GRID1: variants seen among roughly 807,000 people sequenced by gnomAD.
GRID1 encodes glutamate receptor ionotropic, delta-1.
A neutral mutation model predicts 98.0 loss-of-function variants in GRID1; 28 were observed. The ratio of observed to expected loss-of-function variants is 0.29; its 90% CI spans 0.21 to 0.39. The LOEUF is 0.39. GRID1 is among the 10% of genes least tolerant of loss of function. GRID1 has a pLI of 1.00. For missense variants in GRID1, 1,111 were observed against 1,340.5 expected (o/e 0.83, Z 2.67); for synonymous variants, 553 against 538.5 (o/e 1.03, Z -0.37).
At chr10:85,616,801 C>T (rs1590160817) in intron 14 of GRID1, among the ~76,000 whole-genome samples, 1 of 152,290 alleles carries the variant, frequency 6.6e-6, no homozygotes, top group East Asian at 1.9e-4. Context: ...CTTCCTGAAG[C>T]CAGTTGTTCT....
intron 2 of GRID1, among the ~76,000 whole-genome samples, chr10:86,246,892 C>T (rs1460253952): frequency 1.3e-5 from 2 of 152,266 alleles, no homozygotes; most frequent in African/African-American, 4.8e-5. Context: ...CTGATTTGTT[C>T]AGAGCCCTTG....
chr10:86,149,018 G>A (rs977311144), intron 3 of GRID1, among the ~76,000 whole-genome samples: 1 of 152,166 alleles, frequency 6.6e-6, no homozygotes, highest in Non-Finnish European at 1.5e-5. Context: ...GATGTTCAGC[G>A]GCTGTCAGCT....
intron 5 of GRID1, among the ~76,000 whole-genome samples, chr10:85,871,420 G>C (rs1016470136): frequency 6.6e-6 from 1 of 152,184 alleles, no homozygotes; most frequent in Non-Finnish European, 1.5e-5. Context: ...GGATAAGTCA[G>C]CCTGTATAAG....
chr10:85,760,620 A>G, intron 8 of GRID1, among the ~76,000 whole-genome samples: 1 of 152,072 alleles, frequency 6.6e-6, no homozygotes, highest in Non-Finnish European at 1.5e-5. Context: ...GAGACTGGTC[A>G]CACACACACA....
At chr10:86,011,297 T>C (rs762844516) in intron 4 of GRID1, among the ~76,000 whole-genome samples, 1 of 152,190 alleles carries the variant, frequency 6.6e-6, no homozygotes, top group Non-Finnish European at 1.5e-5. Context: ...TTCTACTAGA[T>C]TGGGAACTCC....
intron 8 of GRID1, among the ~76,000 whole-genome samples, chr10:85,794,874 T>C (rs1842512403): frequency 6.6e-6 from 1 of 152,184 alleles, no homozygotes; most frequent in African/African-American, 2.4e-5. Flanking sequence ...AGTGATTGCT[T>C]TTCCTGCCTG....
intron 3 of GRID1, among the ~76,000 whole-genome samples, chr10:86,155,623 C>T (rs1192660334): frequency 6.6e-6 from 1 of 152,198 alleles, no homozygotes; most frequent in Non-Finnish European, 1.5e-5. Context: ...AGCACAGGTT[C>T]CTGGGGCAAT....
intron 4 of GRID1, among the ~76,000 whole-genome samples, chr10:86,054,276 A>G (rs891073450): frequency 1.3e-5 from 2 of 152,134 alleles, no homozygotes; most frequent in African/African-American, 4.8e-5. Context: ...GGTGGGTAGC[A>G]CCCAGCAGGC....
intron 4 of GRID1, among the ~76,000 whole-genome samples, chr10:85,967,302 C>T (rs1022173536): frequency 6.6e-6 from 1 of 151,862 alleles, no homozygotes; most frequent in African/African-American, 2.4e-5. Flanking sequence ...ATCAAAGTTA[C>T]TAAACAAGTA....
rs544365202 is a variant in GRID1, at chr10:85,778,060, G to A, written c.1234-48446C>T. On this transcript the variant is annotated intron_variant, in intron 8 of 15. Transcript: ENST00000327946. ...GATCTGTTGGAAGACACTATGTTCT[G>A]TTGTGGAATTCAAGAGATAAATAAA... Among the ~76,000 whole-genome samples, 4 of 152,280 alleles carry A rather than the reference G, an allele frequency of 2.6e-5. No individual in the cohort carries two copies. The South Asian group carries it at 8.3e-4, about 32-fold the overall frequency.
chr10:86,059,109 A>C (rs372072631), intron 4 of GRID1, among the ~76,000 whole-genome samples: 2 of 152,182 alleles, frequency 1.3e-5, no homozygotes, highest in East Asian at 3.9e-4. Context: ...AAAGCCCTTG[A>C]ATAAGTCATG....
At chr10:86,244,260 G>A (rs1167316374) in intron 2 of GRID1, among the ~76,000 whole-genome samples, 1 of 152,172 alleles carries the variant, frequency 6.6e-6, no homozygotes, top group African/African-American at 2.4e-5. Context: ...TGGGACAGTG[G>A]CACAGAGGAG....
Position 86,192,064 on chromosome 10 carries a change from T to G in GRID1, c.520+14300A>C, listed in dbSNP as rs7895885. 0.061 allele frequency among the ~76,000 whole-genome samples: 9,316 copies of G among 151,910 alleles called. 563 individuals are homozygous for G. Among genetic ancestry groups the G allele is most frequent in the African/African-American group, 0.15 (6,191 of 41,408 alleles). ...TCAGGGGTCTAAGCAGGGCAGTGAGTTAAGGAAGGTGACTTTGGTGGCAGA... is the reference window on the plus strand; with the variant it reads ...TCAGGGGTCTAAGCAGGGCAGTGAGGTAAGGAAGGTGACTTTGGTGGCAGA... On this transcript the variant is annotated intron_variant, in intron 3 of 15. Coordinates refer to ENST00000327946, the MANE Select transcript of GRID1 (RefSeq NM_017551.3). This position sits in a 1 kb window ranked among gnomAD's most constrained non-coding sequence, Gnocchi z 4.8.
intron 2 of GRID1, among the ~76,000 whole-genome samples, chr10:86,256,433 C>T (rs1029716389): frequency 6.6e-6 from 1 of 152,144 alleles, no homozygotes; most frequent in African/African-American, 2.4e-5. Flanking sequence ...CCACTGCACT[C>T]CACCCTGGGT....
intron 2 of GRID1, among the ~76,000 whole-genome samples, chr10:86,275,436 C>A (rs373466888): frequency 1.3e-5 from 2 of 151,746 alleles, no homozygotes; most frequent in Non-Finnish European, 2.9e-5. Context: ...TAAGGAAGCC[C>A]AGGCATCAGA....
chr10:85,934,003 T>C (rs560314900), intron 4 of GRID1, among the ~76,000 whole-genome samples: 7 of 152,180 alleles, frequency 4.6e-5, no homozygotes, highest in Non-Finnish European at 1.0e-4. Flanking sequence ...GAGGGTTTCC[T>C]AGGTACCCTG....
intron 4 of GRID1, among the ~76,000 whole-genome samples, chr10:86,090,787 G>C (rs1844134890): frequency 6.6e-6 from 1 of 152,274 alleles, no homozygotes; most frequent in South Asian, 2.1e-4. Context: ...GCTTCTGCAG[G>C]ACCCAAGAGA....
At chr10:85,999,097 A>G (rs1842774424) in intron 4 of GRID1, among the ~76,000 whole-genome samples, 1 of 152,076 alleles carries the variant, frequency 6.6e-6, no homozygotes, top group East Asian at 1.9e-4. Context: ...TCTATAACCC[A>G]GCTACTTGGG....
chr10:85,605,984 G>C (rs566823740), intron 15 of GRID1: 1 of 152,346 alleles, frequency 6.6e-6, no homozygotes, highest in African/African-American at 2.4e-5. Context: ...CTGGAGCATG[G>C]TGGATTGTCA....
Sources: gnomAD v4.1 joint callset for allele counts (sites outside exome capture counted in the v4.1 genomes callset) on GRCh38, gnomAD v4.1.1 for gene constraint, Gnocchi (gnomAD v3.1) non-coding constraint, MANE v1.5 for transcripts, NCBI Gene and HGNC (gene_info 2026-07-23, HGNC 2026-07-21) for gene names.